MAGI2: variants seen among roughly 807,000 people sequenced by gnomAD.
MAGI2 encodes membrane associated guanylate kinase, WW and PDZ domain containing 2.
A neutral mutation model predicts 133.3 loss-of-function variants in MAGI2; 35 were observed. The observed-to-expected ratio is 0.26, with a 90% CI of 0.20 to 0.35. The LOEUF (loss-of-function observed/expected upper bound fraction) is 0.35. Among genes scored for constraint, MAGI2 ranks in the 10% least tolerant of loss-of-function variants. MAGI2 has a pLI of 1.00. For missense variants in MAGI2, 1,636 were observed against 1,863.4 expected (o/e 0.88, Z 2.25); for synonymous variants, 729 against 710.6 (o/e 1.03, Z -0.41).
At chr7:79,381,581 A>G (rs1385682087) in intron 1 of MAGI2, among the ~76,000 whole-genome samples, 1 of 151,754 alleles carries the variant, frequency 6.6e-6, no homozygotes, top group Admixed American at 6.6e-5. Flanking sequence ...AATGGCCCAT[A>G]AAAATCAGCA....
intron 1 of MAGI2, among the ~76,000 whole-genome samples, chr7:79,419,500 G>A (rs1290967985): frequency 6.6e-6 from 1 of 151,994 alleles, no homozygotes; most frequent in African/African-American, 2.4e-5. Context: ...GGGACAAAAT[G>A]TGAGAATGTG....
intron 2 of MAGI2, among the ~76,000 whole-genome samples, chr7:78,763,332 A>G (rs1272470657): frequency 6.6e-6 from 1 of 152,184 alleles, no homozygotes; most frequent in Non-Finnish European, 1.5e-5. Context: ...AGACTGAGTT[A>G]TTGTAACCTG....
chr7:79,347,264 T>G (rs566141656), intron 1 of MAGI2, among the ~76,000 whole-genome samples: 1 of 149,512 alleles, frequency 6.7e-6, no homozygotes, highest in Non-Finnish European at 1.5e-5. Flanking sequence ...ACCAAAAACA[T>G]ATGTCAAATC....
At chr7:78,542,772 GC>G (rs1317501635) in intron 3 of MAGI2, among the ~76,000 whole-genome samples, 1 of 152,144 alleles carries the variant, frequency 6.6e-6, no homozygotes, top group Non-Finnish European at 1.5e-5. Flanking sequence ...ATCATACAGG[GC>G]CTTGTCAGTG....
At chr7:79,288,962 C>A (rs1836249571) in intron 1 of MAGI2, among the ~76,000 whole-genome samples, 1 of 152,054 alleles carries the variant, frequency 6.6e-6, no homozygotes, top group Non-Finnish European at 1.5e-5. Flanking sequence ...CTGGCACAGA[C>A]CAATTTATCA....
chr7:78,529,979 TA>T (rs1296313993), intron 3 of MAGI2, among the ~76,000 whole-genome samples: 10 of 152,316 alleles, frequency 6.6e-5, no homozygotes, highest in African/African-American at 2.4e-4. Context: ...ATCCAGTGTA[TA>T]GTTTACATTT....
At chr7:79,000,632 C>T (rs1050423016) in intron 2 of MAGI2, among the ~76,000 whole-genome samples, 7 of 152,120 alleles carry the variant, frequency 4.6e-5, no homozygotes, top group African/African-American at 7.2e-5. Context: ...GTGTTAGTAA[C>T]TGCTATTCTT....
At position 79,075,968 on chromosome 7, in the gene MAGI2, C is replaced by A. The variant is rs1751084110; in HGVS notation, c.302-68762G>T. 1.3e-5 allele frequency among the ~76,000 whole-genome samples: 2 copies of A among 152,062 alleles called. 1 individual carries two copies. The highest frequency in any genetic ancestry group is 4.1e-4 in the South Asian group (2 of 4,828). On this transcript the variant is annotated intron_variant, in intron 1 of 21. Transcript: ENST00000354212. ...TGATACTTTAAAAAAAATCTGTATC[C>A]AGAGCCACTTACATCAATGCTTACA...
At chr7:79,161,215 A>T (rs914608768) in intron 1 of MAGI2, among the ~76,000 whole-genome samples, 3 of 152,054 alleles carry the variant, frequency 2.0e-5, no homozygotes, top group Admixed American at 1.3e-4. Flanking sequence ...AGTACTATAA[A>T]ACTGAAGGCA....
Position 78,813,505 on chromosome 7 carries a change from G to T in MAGI2, c.419-186266C>A, listed in dbSNP as rs1490787301. Among the ~76,000 whole-genome samples, 3 of 152,110 alleles carry T rather than the reference G, an allele frequency of 2.0e-5. No individual in the cohort carries two copies. The East Asian group carries it at 5.8e-4, about 29-fold the overall frequency. ...TTTATGAGCAAAACTATCAGCAGGG[G>T]CCGGGCGCGATGGCTCACGCCTGTA... On this transcript the variant is annotated intron_variant, in intron 2 of 21. Coordinates refer to ENST00000354212, the MANE Select transcript of MAGI2 (RefSeq NM_012301.4).
Position 78,865,440 on chromosome 7 carries a change from G to T in MAGI2, c.418+141650C>A, listed in dbSNP as rs190747881. On this transcript the variant is annotated intron_variant, in intron 2 of 21. Transcript: ENST00000354212. ...AAATGTTGATGGACAGAAACAAAAG[G>T]GGGTGGTTGCTAATATTTGGATATT... 4.6e-5 allele frequency among the ~76,000 whole-genome samples: 7 copies of T among 152,276 alleles called. No homozygotes were observed. The East Asian group carries it at 1.4e-3, about 29-fold the overall frequency.
chr7:78,085,045 G>A (rs1021106229), intron 20 of MAGI2, among the ~76,000 whole-genome samples: 1 of 152,176 alleles, frequency 6.6e-6, no homozygotes, highest in East Asian at 1.9e-4. Context: ...GTTAGGCTCA[G>A]TTGCCTCAGC....
chr7:78,694,764 G>A (rs1055929649), intron 2 of MAGI2, among the ~76,000 whole-genome samples: 8 of 152,154 alleles, frequency 5.3e-5, no homozygotes, highest in African/African-American at 9.7e-5. Flanking sequence ...CGCTTTCTCC[G>A]TATGTTAAAA....
At chr7:79,069,197 G>A (rs1814697466) in intron 1 of MAGI2, among the ~76,000 whole-genome samples, 1 of 151,970 alleles carries the variant, frequency 6.6e-6, no homozygotes, top group South Asian at 2.1e-4. Context: ...TGGACAGTGG[G>A]GTGTTAAATT....
chr7:78,608,801 G>A (rs1806112463), intron 3 of MAGI2, among the ~76,000 whole-genome samples: 1 of 152,216 alleles, frequency 6.6e-6, no homozygotes, highest in African/African-American at 2.4e-5. Context: ...AACCACTTTT[G>A]TCCTTGTTAT....
chr7:78,071,592 T>C lies in MAGI2; in HGVS notation c.3706+7355A>G, dbSNP rs529653271. On this transcript the variant is annotated intron_variant, in intron 21 of 21. Transcript: ENST00000354212. ...TCTGGCTCCATGAAGCAAGAACTTA[T>C]TTACTGCAGTTTTTATGGTTAGCGG... Among the ~76,000 whole-genome samples the C allele has an allele frequency of 2.6e-5, 4 of 152,292 alleles. No homozygotes were observed. The South Asian group carries it at 8.3e-4, about 32-fold the overall frequency.
Position 79,374,113 on chromosome 7 carries a change from T to C in MAGI2, c.301+78907A>G, listed in dbSNP as rs143876701. On this transcript the variant is annotated intron_variant, in intron 1 of 21. Coordinates refer to ENST00000354212, the MANE Select transcript of MAGI2 (RefSeq NM_012301.4). ...CACACCTACATACCAAACAATGCTA[T>C]TTAGTTACATAAATACATTGGGAAA... Among the ~76,000 whole-genome samples the C allele has an allele frequency of 3.9e-3, 591 of 152,128 alleles. 3 individuals carry two copies. Among genetic ancestry groups the C allele is most frequent in the African/African-American group, 0.014 (562 of 41,538 alleles).
chr7:78,875,760 A>G (rs1231677956), intron 2 of MAGI2, among the ~76,000 whole-genome samples: 2 of 152,194 alleles, frequency 1.3e-5, no homozygotes, highest in African/African-American at 4.8e-5. Flanking sequence ...CCTCCAAGTG[A>G]GCCTAGATTT....
At chr7:78,423,343 T>A (rs1798972319) in intron 6 of MAGI2, among the ~76,000 whole-genome samples, 2 of 152,220 alleles carry the variant, frequency 1.3e-5, no homozygotes, top group Non-Finnish European at 2.9e-5. Context: ...ACCATGATTG[T>A]GAGGCTTCCC....
Sources: allele counts gnomAD v4.1 joint callset (sites outside exome capture counted in the v4.1 genomes callset), GRCh38; gene constraint gnomAD v4.1.1; transcripts MANE v1.5; gene names NCBI Gene and HGNC (gene_info 2026-07-23, HGNC 2026-07-21).